SLC12A5: variants seen among roughly 807,000 people sequenced by gnomAD.
The protein encoded by SLC12A5 is K-Cl cotransporter 2.
SLC12A5 carries 18 observed loss-of-function variants against 124.0 expected under a neutral mutation model. The ratio of observed to expected loss-of-function variants is 0.15; its 90% CI spans 0.10 to 0.22. The LOEUF is 0.22. SLC12A5 is among the 10% of genes least tolerant of loss of function. SLC12A5 has a pLI of 1.00. For synonymous variants in SLC12A5, 589 were observed against 568.0 expected (o/e 1.04, Z -0.53); for missense variants, 867 against 1,478.7 (o/e 0.59, Z 6.78).
upstream of SLC12A5, among the ~76,000 whole-genome samples, chr20:46,024,461 G>A (rs2084380138): frequency 1.3e-5 from 2 of 152,200 alleles, no homozygotes; most frequent in African/African-American, 2.4e-5. Flanking sequence ...GGGGAACCCA[G>A]CATCTGCTGG....
chr20:46,029,513 C>A, intron 1 of SLC12A5, 117 bp downstream of exon 1: 1 of 1,140,006 alleles, frequency 8.8e-7, no homozygotes, highest in Non-Finnish European at 1.2e-6. Flanking sequence ...CTGACCCGGG[C>A]GGTGGGCGCC....
rs2145493756 is a variant in SLC12A5 at position 46,045,107 on chromosome 20, C to G, written c.1536C>G (p.Ala512=). The G allele has an allele frequency of 3.1e-6, 5 of 1,604,038 alleles. No homozygotes were observed. Among genetic ancestry groups the G allele is most frequent in the Non-Finnish European group, 4.3e-6 (5 of 1,175,164 alleles). ...SLTGAPRLLQ[A]ISRDGIVPFL... is the part of the protein sequence containing the mutation. ...CGGGGGCCCCACGCCTGCTGCAGGC[C>G]ATCTCGAGGGATGGCATTGTGCCCT... is the stretch of plus-strand genomic sequence containing the variant. Residue 512 remains alanine (A), a synonymous_variant, in exon 12 of 26, where the codon GCC becomes GCG. Transcript: ENST00000243964. This position sits in a 1 kb window ranked among gnomAD's most constrained non-coding sequence, Gnocchi z 4.9.
Position 46,059,462 on chromosome 20 carries a change from T to A in SLC12A5, c.*1857T>A. On this transcript the variant is annotated 3_prime_UTR_variant, in exon 26 of 26. Transcript: ENST00000243964. ...GACACCAGCCCCCTGCATCCTTCAG[T>A]AGACCTCCCTCTGAACACCACAGCC... 2 of 398,410 alleles carry A rather than the reference T, an allele frequency of 5.0e-6. No individual in the cohort carries two copies. Among genetic ancestry groups the A allele is most frequent in the Non-Finnish European group, 8.9e-6 (2 of 225,826 alleles). 24.7% of individuals were successfully genotyped at this position (398,410 alleles called of 1,614,324 possible). A position where few individuals can be genotyped will look rare whatever the true frequency, so the allele number is the denominator to read the frequency against.
upstream of SLC12A5, chr20:46,029,149 A>C: frequency 1.4e-6 from 2 of 1,394,996 alleles, no homozygotes; most frequent in Non-Finnish European, 9.3e-7. Context: ...GCCGCTGCTG[A>C]GAGGGGGCGC....
intron 1 of SLC12A5, among the ~76,000 whole-genome samples, chr20:46,030,564 C>A (rs1279042371): frequency 6.6e-6 from 1 of 151,810 alleles, no homozygotes; most frequent in East Asian, 1.9e-4. Context: ...CGCACTAGCG[C>A]GCCTCCCGCG....
intron 3 of SLC12A5, 107 bp downstream of exon 3, chr20:46,035,642 A>G: frequency 6.7e-7 from 1 of 1,502,324 alleles, no homozygotes; most frequent in Non-Finnish European, 8.9e-7. Context: ...GGGGATACAA[A>G]TCAGAAAGAA....
intron 1 of SLC12A5, 132 bp downstream of exon 1, chr20:46,029,528 G>C (rs2084426874): frequency 1.0e-6 from 1 of 953,386 alleles, no homozygotes; most frequent in African/African-American, 1.7e-5. Flanking sequence ...GGCGCCAGTT[G>C]CAGCCTGGAG....
In SLC12A5 at chr20:46,040,397, A is replaced by G. The variant is rs370495847; in HGVS notation, c.637A>G (p.Ile213Val). The G allele has an allele frequency of 1.9e-6, 3 of 1,614,156 alleles. No individual in the cohort carries two copies. The highest frequency in any genetic ancestry group is 1.7e-5 in the Admixed American group (1 of 60,034). ...GGCTTACCTCTTCCCAGCCATGGCC[A>G]TCTTCAAGGCAGAAGATGCCAGTGG... ...LLAYLFPAMA[I>V]FKAEDASGEA... Residue 213 changes from isoleucine (I) to valine (V), a missense_variant, in exon 7 of 26, where the codon ATC becomes GTC. Ile to Val is a conservative substitution (Grantham distance 29). Around this residue, in one of 9 missense-constraint regions of SLC12A5, gnomAD observed 126 missense variants for 291.6 expected, o/e 0.43. Coordinates refer to ENST00000243964, the MANE Select transcript of SLC12A5 (RefSeq NM_020708.5).
Position 46,051,875 on chromosome 20 carries a change from C to T in SLC12A5, c.2377+5C>T, listed in dbSNP as rs903951175. 22 of 1,328,772 alleles carry T rather than the reference C, an allele frequency of 1.7e-5. No individual in the cohort carries two copies. Among genetic ancestry groups the T allele is most frequent in the Middle Eastern group, 3.9e-4 (2 of 5,122 alleles). The allele number at this position is 1,328,772 out of a possible 1,614,324, so 82.3% of individuals were successfully genotyped here. Reference sequence around the variant, plus strand: ...AGACGTGGAGGAACTTCATTGGTAACGCTATTGGGGGCTGGGGACAGAAGA... The same window carrying T: ...AGACGTGGAGGAACTTCATTGGTAATGCTATTGGGGGCTGGGGACAGAAGA... On this transcript the variant is annotated splice_donor_5th_base_variant and intron_variant, in intron 18 of 25. Transcript: ENST00000243964.
Position 46,043,141 on chromosome 20 carries a change from G to A in SLC12A5, c.1067-12G>A, listed in dbSNP as rs780511518. 1.1e-5 allele frequency: 18 copies of A among 1,612,362 alleles called. No individual in the cohort carries two copies. In the East Asian group the frequency reaches 1.3e-4, roughly 12 times the overall value. On this transcript the variant is annotated splice_polypyrimidine_tract_variant and intron_variant, in intron 8 of 25. Coordinates refer to ENST00000243964, the MANE Select transcript of SLC12A5 (RefSeq NM_020708.5). ...TGGCTGGCCTCCCCCTGAGCATTCT[G>A]TCTCCCCACAGAGAACCTCTGGAGC...
chr20:46,027,680 C>G (rs2084411699), upstream of SLC12A5: 1 of 152,290 alleles, frequency 6.6e-6, no homozygotes, highest in African/African-American at 2.4e-5. Flanking sequence ...TAATCAGAGG[C>G]TGCTGAGGGG....
intron 18 of SLC12A5, among the ~76,000 whole-genome samples, chr20:46,052,493 A>G (rs1386876021): frequency 6.6e-6 from 1 of 152,234 alleles, no homozygotes; most frequent in Non-Finnish European, 1.5e-5. Flanking sequence ...TGCGCTCAGG[A>G]GTTTGAGCTG....
At chr20:46,022,797 C>T (rs2084365923) in intron 1 of SLC12A5, 5 of 398,918 alleles carry the variant, frequency 1.3e-5, no homozygotes, top group Non-Finnish European at 2.2e-5. Context: ...GGGGAAAGAT[C>T]CTTCTGGCCT....
At chr20:46,042,784 A>G (rs2084559528) in intron 8 of SLC12A5, among the ~76,000 whole-genome samples, 1 of 151,978 alleles carries the variant, frequency 6.6e-6, no homozygotes, top group Non-Finnish European at 1.5e-5. Flanking sequence ...GGGTGTCAGA[A>G]TTGATGATGG....
chr20:46,054,744 C>G (rs1018347546), intron 20 of SLC12A5, among the ~76,000 whole-genome samples, 172 bp from the exon 21 acceptor site: 3 of 152,170 alleles, frequency 2.0e-5, no homozygotes, highest in Non-Finnish European at 4.4e-5. Context: ...TCTGCTACGT[C>G]CTTGCCTCCT....
chr20:46,051,913 G>A, intron 18 of SLC12A5, 43 bp downstream of exon 18: 1 of 1,378,144 alleles, frequency 7.3e-7, no homozygotes, highest in South Asian at 1.4e-5. Context: ...GGTGGGGCTG[G>A]GGGCTGTAGA....
chr20:46,046,417 C>G lies in SLC12A5; in HGVS notation c.1768C>G (p.Arg590Gly), dbSNP rs2084595756. The change falls in exon 14 of 26, where the codon CGC (arginine) becomes GGC (glycine). Residue 590 changes from arginine (R) to glycine (G), a missense_variant. Physicochemically the swap from Arg to Gly is moderately radical, Grantham distance 125 (BLOSUM62 -2). This residue lies in a region of SLC12A5 where 152 missense variants were observed against 358.7 expected (regional missense o/e 0.42). Coordinates refer to ENST00000243964, the MANE Select transcript of SLC12A5 (RefSeq NM_020708.5). ...TLLRTPNWRP[R>G]FRYYHWTLSF... ...GCTGAGGACACCCAACTGGAGGCCA[C>G]GCTTTCGATATTACCACTGGTGGGT... The G allele has an allele frequency of 6.2e-7, 1 of 1,614,010 alleles. No homozygotes were observed. Among genetic ancestry groups the G allele is most frequent in the African/African-American group, 1.3e-5 (1 of 74,916 alleles).
At chr20:46,047,243 G>T (rs2084604307) in intron 14 of SLC12A5, among the ~76,000 whole-genome samples, 1 of 152,160 alleles carries the variant, frequency 6.6e-6, no homozygotes, top group African/African-American at 2.4e-5. Context: ...GCAGGGCATT[G>T]GGTAGTGCCC....
chr20:46,042,698 A>G (rs1160377468), intron 8 of SLC12A5, among the ~76,000 whole-genome samples: 2 of 152,126 alleles, frequency 1.3e-5, no homozygotes, highest in Admixed American at 6.6e-5. Context: ...TTTAAGAAAT[A>G]TTAAGGAGGG....
Sources: gnomAD v4.1 joint callset for allele counts (sites outside exome capture counted in the v4.1 genomes callset) on GRCh38, gnomAD v4.1.1 for gene constraint, gnomAD v4.1.1 regional missense constraint, Gnocchi (gnomAD v3.1) non-coding constraint, MANE v1.5 for transcripts, NCBI Gene and HGNC (gene_info 2026-07-23, HGNC 2026-07-21) for gene names.